Variants in SLC25A48 observed in about 807,000 individuals in gnomAD.
The protein encoded by SLC25A48 is CTC-321K16.1.
SLC25A48 carries 29 observed loss-of-function variants against 32.2 expected under a neutral mutation model. The observed-to-expected ratio is 0.90, with a 90% confidence interval of 0.67 to 1.23. The LOEUF (loss-of-function observed/expected upper bound fraction) is 1.23. Ranked by LOEUF, SLC25A48 falls within the 50% of genes most tolerant of loss-of-function variation. SLC25A48 has a pLI of 0.00. For synonymous variants in SLC25A48, 164 were observed against 172.3 expected (o/e 0.95, Z 0.38); for missense variants, 399 against 422.7 (o/e 0.94, Z 0.49).
chr5:135,579,419 T>C (rs9327726), exon 1 of SLC25A48: 76,334 of 152,898 alleles, frequency 0.5, 19,576 homozygotes, highest in African/African-American at 0.63. Context: ...GGCCCAGGGC[T>C]CAGATCCTCA....
At chr5:135,804,427 CTG>C (rs148050459) in intron 3 of SLC25A48, among the ~76,000 whole-genome samples, 1 of 151,492 alleles carries the variant, frequency 6.6e-6, no homozygotes, top group African/African-American at 2.4e-5. Flanking sequence ...TAAGATCTCG[CTG>C]TGTGTGTGTG....
At chr5:135,605,514 G>T (rs1751914309) in intron 1 of SLC25A48, among the ~76,000 whole-genome samples, 1 of 152,222 alleles carries the variant, frequency 6.6e-6, no homozygotes, top group African/African-American at 2.4e-5. Flanking sequence ...TCCAGCTCCT[G>T]CAGAAATGCT....
At chr5:135,749,417 A>G (rs1398483189) in intron 3 of SLC25A48, among the ~76,000 whole-genome samples, 2 of 152,034 alleles carry the variant, frequency 1.3e-5, no homozygotes, top group Non-Finnish European at 2.9e-5. Context: ...TATTGGGAGC[A>G]GAAGGACAGA....
chr5:135,867,900 G>T (rs1433818713), intron 4 of SLC25A48, among the ~76,000 whole-genome samples: 2 of 152,186 alleles, frequency 1.3e-5, no homozygotes, highest in Admixed American at 1.3e-4. Flanking sequence ...CCCAGAGAAA[G>T]GTTGCTTCTC....
chr5:135,645,646 A>G (rs892743784), intron 3 of SLC25A48, among the ~76,000 whole-genome samples: 1 of 152,142 alleles, frequency 6.6e-6, no homozygotes, highest in Non-Finnish European at 1.5e-5. Flanking sequence ...GCTGCTCATG[A>G]TTGAAATTGA....
chr5:135,702,466 C>G (rs948178222), intron 3 of SLC25A48, among the ~76,000 whole-genome samples: 2 of 152,220 alleles, frequency 1.3e-5, no homozygotes, highest in Non-Finnish European at 2.9e-5. Context: ...GAGGCAAGAG[C>G]GGATTCTTCC....
intron 6 of SLC25A48, chr5:135,874,967 C>T (rs537405414): frequency 1.4e-3 from 580 of 408,408 alleles, no homozygotes; most frequent in Non-Finnish European, 1.8e-3. Flanking sequence ...AGCTTCATGT[C>T]TCAGGGCCTC....
At chr5:135,586,206 G>A (rs1323740830) in intron 1 of SLC25A48, among the ~76,000 whole-genome samples, 4 of 152,126 alleles carry the variant, frequency 2.6e-5, no homozygotes, top group Non-Finnish European at 5.9e-5. Flanking sequence ...CCTCCCAGGA[G>A]GAGGGTGGGG....
At chr5:135,598,477 G>A (rs562108790) in intron 1 of SLC25A48, among the ~76,000 whole-genome samples, 2 of 152,266 alleles carry the variant, frequency 1.3e-5, no homozygotes, top group South Asian at 2.1e-4. Context: ...AGAATCATGA[G>A]GTTCATCAAT....
intron 1 of SLC25A48, among the ~76,000 whole-genome samples, chr5:135,837,501 C>A (rs1291668737): frequency 1.3e-5 from 2 of 152,174 alleles, no homozygotes; most frequent in Non-Finnish European, 2.9e-5. Flanking sequence ...ACTGCTGCAA[C>A]AAGGCTGATA....
At chr5:135,726,506 A>G (rs1480876413) in intron 3 of SLC25A48, among the ~76,000 whole-genome samples, 1 of 152,132 alleles carries the variant, frequency 6.6e-6, no homozygotes, top group African/African-American at 2.4e-5. Context: ...CAGCCATGAA[A>G]CTGTTCTCCA....
At chr5:135,772,883 G>A (rs976277456) in intron 3 of SLC25A48, among the ~76,000 whole-genome samples, 6 of 151,678 alleles carry the variant, frequency 4.0e-5, no homozygotes, top group African/African-American at 1.4e-4. Flanking sequence ...TGCAGGGGGT[G>A]TACACTCCCT....
At position 135,590,194 on chromosome 5, in the gene SLC25A48, T is replaced by A. The variant is rs564089648; in HGVS notation, c.-849+10597T>A. On this transcript the variant is annotated intron_variant, in intron 1 of 10. Transcript: ENST00000646290. Reference sequence around the variant, plus strand: ...TAAAACCCTTTTAAGGATAGGGCTTTCCTGGTGCATATAGGGCCCCCAACA... The same window carrying A: ...TAAAACCCTTTTAAGGATAGGGCTTACCTGGTGCATATAGGGCCCCCAACA... Among the ~76,000 whole-genome samples, 7 of 152,346 alleles carry A rather than the reference T, an allele frequency of 4.6e-5. No homozygotes were observed. In the South Asian group the frequency reaches 1.4e-3, roughly 32 times the overall value.
chr5:135,848,970 T>G (rs1342466993), intron 2 of SLC25A48, among the ~76,000 whole-genome samples: 1 of 152,212 alleles, frequency 6.6e-6, no homozygotes, highest in Non-Finnish European at 1.5e-5. Flanking sequence ...TAGCCTTACA[T>G]GTGACATTAA....
chr5:135,877,972 C>T (rs994307136), intron 6 of SLC25A48, among the ~76,000 whole-genome samples: 4 of 152,104 alleles, frequency 2.6e-5, no homozygotes, highest in Admixed American at 1.3e-4. Flanking sequence ...TGTGAGAGGC[C>T]GTCCAGAGAA....
intron 1 of SLC25A48, among the ~76,000 whole-genome samples, chr5:135,614,220 C>G (rs1362966352): frequency 6.6e-6 from 1 of 152,008 alleles, no homozygotes; most frequent in Non-Finnish European, 1.5e-5. Context: ...GGATTGTCTT[C>G]TTGATTTCTT....
chr5:135,785,556 G>A (rs746244324), intron 3 of SLC25A48, among the ~76,000 whole-genome samples: 3 of 151,286 alleles, frequency 2.0e-5, no homozygotes, highest in East Asian at 4.0e-4. Context: ...TAATATCCAG[G>A]GGGGGAGAGG....
chr5:135,749,204 T>A (rs1755712910), intron 3 of SLC25A48, among the ~76,000 whole-genome samples: 1 of 151,868 alleles, frequency 6.6e-6, no homozygotes, highest in South Asian at 2.1e-4. Context: ...AAGGAAGAAA[T>A]GCCTACTGTT....
intron 3 of SLC25A48, among the ~76,000 whole-genome samples, chr5:135,724,002 A>C (rs1350236348): frequency 6.6e-6 from 1 of 151,534 alleles, no homozygotes; most frequent in African/African-American, 2.4e-5. Flanking sequence ...ACTTATTTAA[A>C]TAAGTGTCTT....
Sources: gnomAD v4.1 joint callset for allele counts (sites outside exome capture counted in the v4.1 genomes callset) on GRCh38, gnomAD v4.1.1 for gene constraint, MANE v1.5 for transcripts, NCBI Gene and HGNC (gene_info 2026-07-23, HGNC 2026-07-21) for gene names.